The following FKBP14 variants were observed in gnomAD, a reference collection of about 807,000 sequenced individuals.
FKBP14 encodes peptidyl-prolyl cis-trans isomerase FKBP14.
Under a neutral mutation model 21.6 loss-of-function variants are expected in FKBP14, and 20 were observed. That is an observed-to-expected ratio of 0.92 (90% CI 0.65 to 1.34). The LOEUF (loss-of-function observed/expected upper bound fraction) is 1.34, where lower values mean the gene tolerates loss of function less well. Ranked by LOEUF, FKBP14 falls within the 40% of genes most tolerant of loss-of-function variation. The pLI is 0.00. For missense variants in FKBP14, 253 were observed against 249.0 expected, an observed-to-expected ratio of 1.02 and a Z score of -0.11; for synonymous variants, 79 against 86.7, an observed-to-expected ratio of 0.91 and a Z score of 0.49.
At chr7:30,016,651 C>G (rs559511643) in intron 3 of FKBP14, among the ~76,000 whole-genome samples, 10 of 152,140 alleles carry the variant, frequency 6.6e-5, no homozygotes, top group African/African-American at 2.4e-4. Context: ...GCCTTGGCCT[C>G]CCAAAGTGCT....
downstream of FKBP14, among the ~76,000 whole-genome samples, chr7:30,010,034 T>A (rs190909875): frequency 6.6e-6 from 1 of 151,878 alleles, no homozygotes; most frequent in Admixed American, 6.6e-5. Flanking sequence ...AAAAGAAATA[T>A]AAGCAATATC....
At chr7:30,015,384 C>T (rs982524527) in intron 3 of FKBP14, among the ~76,000 whole-genome samples, 4 of 151,586 alleles carry the variant, frequency 2.6e-5, no homozygotes, top group Non-Finnish European at 5.9e-5. Flanking sequence ...CGCTGCTGCC[C>T]TCCAGCCTGG....
intron 2 of FKBP14, 176 bp downstream of exon 2, chr7:30,022,489 G>T: frequency 5.7e-6 from 3 of 522,884 alleles, no homozygotes; most frequent in Non-Finnish European, 6.5e-6. Flanking sequence ...TAGACATTAC[G>T]GCCTTAAACT....
chr7:30,018,565 C>T (rs910780627), intron 3 of FKBP14, among the ~76,000 whole-genome samples: 3 of 152,204 alleles, frequency 2.0e-5, no homozygotes, highest in Admixed American at 6.5e-5. Flanking sequence ...CAGGAAAACA[C>T]TACAAGATGT....
intron 1 of FKBP14, among the ~76,000 whole-genome samples, chr7:30,024,007 A>C (rs1205882051): frequency 6.6e-6 from 1 of 152,184 alleles, no homozygotes; most frequent in Non-Finnish European, 1.5e-5. Flanking sequence ...AGTCTAGCCT[A>C]GGAAAACCAA....
chr7:30,012,162 C>T lies in FKBP14; in HGVS notation c.*2573G>A, dbSNP rs985867822. The T allele has an allele frequency of 2.0e-5, 3 of 152,212 alleles. No homozygotes were observed. Among genetic ancestry groups the T allele is most frequent in the Non-Finnish European group, 4.4e-5 (3 of 68,040 alleles). The allele number at this position is 152,212 out of a possible 1,614,324, so 9.4% of individuals were successfully genotyped here. A position where few individuals can be genotyped will look rare whatever the true frequency, so the allele number is the denominator to read the frequency against. On this transcript the variant is annotated 3_prime_UTR_variant, in exon 4 of 4. Transcript: ENST00000222803. ...AGGTATGACTGTACATGTGAAGTCA[C>T]AGTTCATGTCTGATTATTCCCACTA...
At chr7:30,008,965 G>A (rs1789665783), downstream of FKBP14, among the ~76,000 whole-genome samples, 1 of 151,488 alleles carries the variant, frequency 6.6e-6, no homozygotes. Flanking sequence ...AAAAAAGAAT[G>A]CTAAGGATGC....
intron 3 of FKBP14, among the ~76,000 whole-genome samples, chr7:30,017,219 TG>T (rs1789911824): frequency 6.7e-6 from 1 of 150,280 alleles, no homozygotes; most frequent in Admixed American, 6.6e-5. Flanking sequence ...TTAATAAAAC[TG>T]GATGTGGGGA....
intron 3 of FKBP14, among the ~76,000 whole-genome samples, chr7:30,016,113 C>T (rs1425291075): frequency 6.6e-6 from 1 of 151,936 alleles, no homozygotes; most frequent in Non-Finnish European, 1.5e-5. Context: ...CACCATGTTG[C>T]CCAGGCTGGT....
At chr7:30,023,988 G>A (rs1790105903) in intron 1 of FKBP14, among the ~76,000 whole-genome samples, 1 of 152,166 alleles carries the variant, frequency 6.6e-6, no homozygotes, top group Admixed American at 6.5e-5. Context: ...TGGCTCATGA[G>A]TTGAAGAGAG....
At chr7:30,019,279 CGAATA>C (rs1325225763) in intron 2 of FKBP14, among the ~76,000 whole-genome samples, 156 bp from the exon 3 acceptor site, 2 of 151,504 alleles carry the variant, frequency 1.3e-5, no homozygotes, top group Non-Finnish European at 2.9e-5. Flanking sequence ...ATATTTTACT[CGAATA>C]GAATAGAGTA....
At chr7:30,021,618 C>A (rs182075904) in intron 2 of FKBP14, among the ~76,000 whole-genome samples, 1 of 151,504 alleles carries the variant, frequency 6.6e-6, no homozygotes, top group African/African-American at 2.4e-5. Context: ...TATAGTGGCA[C>A]GTTCTTGGCT....
At chr7:30,015,468 CTATATA>C (rs1036682289) in intron 3 of FKBP14, among the ~76,000 whole-genome samples, 1 of 150,220 alleles carries the variant, frequency 6.7e-6, no homozygotes. Flanking sequence ...ATAGCTCTCT[CTATATA>C]TATATTGCTC....
At chr7:30,023,637 TATAAA>T (rs1224236465) in intron 1 of FKBP14, among the ~76,000 whole-genome samples, 2 of 152,142 alleles carry the variant, frequency 1.3e-5, no homozygotes, top group African/African-American at 4.8e-5. Context: ...CTGGGTAACT[TATAAA>T]GAAAAGGAGG....
Position 30,011,590 on chromosome 7 carries a change from TAG to T in FKBP14, c.*3143_*3144del, listed in dbSNP as rs1789736848. The T allele has an allele frequency of 7.9e-6, 1 of 126,302 alleles. No individual in the cohort carries two copies. The highest frequency in any genetic ancestry group is 1.6e-5 in the Non-Finnish European group (1 of 60,974). 7.8% of individuals were successfully genotyped at this position (126,302 alleles called of 1,614,324 possible). ...CATATATATGGTATATATATATATA[TAG>T]TATATATATATATATATATTTTTTT... On this transcript the variant is annotated 3_prime_UTR_variant, in exon 4 of 4. Coordinates refer to ENST00000222803, the MANE Select transcript of FKBP14 (RefSeq NM_017946.4).
chr7:30,007,524 C>T (rs1477205049), downstream of FKBP14, among the ~76,000 whole-genome samples: 1 of 152,074 alleles, frequency 6.6e-6, no homozygotes, highest in Non-Finnish European at 1.5e-5. Flanking sequence ...AAATTCTAAC[C>T]CTGGGGAGGA....
In FKBP14 at chr7:30,022,697, G is replaced by A. The variant is rs780577283; in HGVS notation, c.317C>T (p.Pro106Leu). 6.2e-7 allele frequency: 1 copy of A among 1,614,042 alleles called. No individual in the cohort carries two copies. Among genetic ancestry groups the A allele is most frequent in the Admixed American group, 1.7e-5 (1 of 60,006 alleles). ...TTCTTTTCCATAGCCCAGAGCAGGA[G>A]GAATGATGAGCTTTCTCTTCTCTCC... ...CVGEKRKLII[P>L]PALGYGKEGK... The change falls in exon 2 of 4, where the codon CCT becomes CTT. Residue 106 changes from proline (P) to leucine (L), a missense_variant. Coordinates refer to ENST00000222803, the MANE Select transcript of FKBP14 (RefSeq NM_017946.4).
In FKBP14 at chr7:30,012,886, TC is replaced by T. The variant is rs1376274135; in HGVS notation, c.*1848del. The T allele has an allele frequency of 6.6e-6, 1 of 152,188 alleles. No homozygotes were observed. The highest frequency in any genetic ancestry group is 1.9e-4 in the East Asian group (1 of 5,194). The allele number at this position is 152,188 out of a possible 1,614,324, so 9.4% of individuals were successfully genotyped here. On this transcript the variant is annotated 3_prime_UTR_variant, in exon 4 of 4. Coordinates refer to ENST00000222803, the MANE Select transcript of FKBP14 (RefSeq NM_017946.4). ...AGAGAATTAGACCCCAGGGAAATTTTCACTTTTCATTAGTAGAGGGCAGTAG... is the reference window on the plus strand; with the variant it reads ...AGAGAATTAGACCCCAGGGAAATTTTACTTTTCATTAGTAGAGGGCAGTAG...
chr7:30,026,484 C>T lies in FKBP14; in HGVS notation c.25G>A (p.Val9Ile), dbSNP rs1198123802. 52 of 1,612,236 alleles carry T rather than the reference C, an allele frequency of 3.2e-5. No homozygotes were observed. Among genetic ancestry groups the T allele is most frequent in the Middle Eastern group, 1.7e-4 (1 of 5,834 alleles). The change falls in exon 1 of 4, where the codon GTC becomes ATC. Residue 9 changes from valine to isoleucine, a missense_variant. Coordinates refer to ENST00000222803, the MANE Select transcript of FKBP14 (RefSeq NM_017946.4). ...AAAGAAGTGACGAACAGAGTCAAGA[C>T]CGCGTTCCACAAGAAAAGCCTCATG... Reference protein sequence around the residue: MRLFLWNAVLTLFVTSLIG... With the variant: MRLFLWNAILTLFVTSLIG...
Sources: gnomAD v4.1 joint callset for allele counts (sites outside exome capture counted in the v4.1 genomes callset) on GRCh38, gnomAD v4.1.1 for gene constraint, MANE v1.5 for transcripts, NCBI Gene and HGNC (gene_info 2026-07-23, HGNC 2026-07-21) for gene names.